KTN1: variants seen among roughly 807,000 people sequenced by gnomAD.
KTN1 encodes kinectin.
In KTN1, 130 loss-of-function variants were observed where a neutral mutation model predicts 222.5. The observed-to-expected ratio is 0.58, with a 90% confidence interval of 0.51 to 0.68. The LOEUF (loss-of-function observed/expected upper bound fraction) is 0.68, where lower values mean the gene tolerates loss of function less well. KTN1 is among the 30% of genes least tolerant of loss of function. KTN1 has a pLI of 0.00. For missense variants in KTN1, 1,508 were observed against 1,500.4 expected, an observed-to-expected ratio of 1.01 and a Z score of -0.08; for synonymous variants, 512 against 496.3, an observed-to-expected ratio of 1.03 and a Z score of -0.42.
Position 55,670,732 on chromosome 14 carries a change from T to TA in KTN1, c.3272dup (p.Tyr1091Ter). Residue 1091 changes from tyrosine to a stop codon, truncating the protein, a stop_gained and frameshift_variant, in exon 35 of 44, where the codon TAT becomes TAAT. Coordinates refer to ENST00000395314, the MANE Select transcript of KTN1 (RefSeq NM_001079521.2). LOFTEE classifies it high-confidence loss of function. ...PKVSVPSNLS[Y>*]GEWLHGFEKK... is the part of the protein sequence containing the mutation. The stretch of plus-strand genomic sequence containing the variant: ...TTTTAACTTTTCTCGTCCACAGAGT[T>TA]ATGGTGAATGGTTGCATGGATTTGA... 6.2e-7 allele frequency: 1 copy of TA among 1,604,928 alleles called. No homozygotes were observed. Among genetic ancestry groups the TA allele is most frequent in the Non-Finnish European group, 8.5e-7 (1 of 1,173,920 alleles).
rs940997056 is a variant in KTN1 at position 55,680,713 on chromosome 14, A to G, written c.4069+1028A>G. ...TGATCATCCTCTGGCCTACCTTGAC[A>G]CATGCTCTCCTTCAAAATGCTAATT... On this transcript the variant is annotated intron_variant, in intron 43 of 43. Coordinates refer to ENST00000395314, the MANE Select transcript of KTN1 (RefSeq NM_001079521.2). The G allele has an allele frequency of 5.1e-6, 7 of 1,366,608 alleles. No homozygotes were observed. In the East Asian group the frequency reaches 3.2e-4, roughly 62 times the overall value. The allele number at this position is 1,366,608 out of a possible 1,614,324, so 84.7% of individuals were successfully genotyped here. A position where few individuals can be genotyped will look rare whatever the true frequency, so the allele number is the denominator to read the frequency against.
intron 12 of KTN1, 36 bp from the exon 13 acceptor site, chr14:55,639,149 A>T (rs1450704112): frequency 1.4e-6 from 2 of 1,440,160 alleles, no homozygotes; most frequent in Non-Finnish European, 9.8e-7. Flanking sequence ...GCTTTCTCTT[A>T]AATACTTTTA....
intron 43 of KTN1, 171 bp downstream of exon 43, chr14:55,679,856 A>C (rs1168385486): frequency 4.4e-6 from 3 of 680,504 alleles, no homozygotes; most frequent in Non-Finnish European, 7.3e-6. Flanking sequence ...TATTTTGTGC[A>C]TATCTTGAAG....
intron 1 of KTN1, among the ~76,000 whole-genome samples, chr14:55,596,923 C>T (rs1283813686): frequency 6.6e-6 from 1 of 150,786 alleles, no homozygotes; most frequent in Admixed American, 6.6e-5. Flanking sequence ...TTTTTTCTGT[C>T]ATAGACTCTT....
intron 31 of KTN1, among the ~76,000 whole-genome samples, chr14:55,661,049 A>T (rs929710231): frequency 2.0e-4 from 31 of 152,246 alleles, no homozygotes; most frequent in African/African-American, 7.2e-4. Flanking sequence ...TGAGATTGGT[A>T]TGAAAATGGC....
chr14:55,641,640 C>A, intron 17 of KTN1, 52 bp from the exon 18 acceptor site: 1 of 1,121,714 alleles, frequency 8.9e-7, no homozygotes, highest in Non-Finnish European at 1.4e-6. Context: ...CAAATGATTG[C>A]TTTATTACCT....
intron 1 of KTN1, among the ~76,000 whole-genome samples, chr14:55,605,893 C>T (rs2036654997): frequency 6.6e-6 from 1 of 151,896 alleles, no homozygotes; most frequent in Admixed American, 6.6e-5. Flanking sequence ...CAATAGTAAA[C>T]TTTTTATCAC....
At chr14:55,648,570 G>C (rs1361443442) in intron 20 of KTN1, among the ~76,000 whole-genome samples, 2 of 152,194 alleles carry the variant, frequency 1.3e-5, no homozygotes, top group African/African-American at 4.8e-5. Context: ...AGGTTGTCCA[G>C]ACATGAGTGG....
chr14:55,591,708 CTGGGATTA>C (rs1204177722), intron 1 of KTN1, among the ~76,000 whole-genome samples: 5 of 150,788 alleles, frequency 3.3e-5, no homozygotes, highest in African/African-American at 9.8e-5. Context: ...CCTGCCTCAG[CTGGGATTA>C]CAGGCATGCA....
intron 18 of KTN1, 94 bp from the exon 19 acceptor site, chr14:55,646,879 C>T: frequency 2.5e-6 from 2 of 788,462 alleles, no homozygotes; most frequent in Admixed American, 2.1e-5. Flanking sequence ...TATTTAATAA[C>T]CCTAAACAAT....
chr14:55,655,443 A>G (rs139733222), intron 28 of KTN1, among the ~76,000 whole-genome samples: 192 of 152,324 alleles, frequency 1.3e-3, no homozygotes, highest in African/African-American at 4.4e-3. Flanking sequence ...CAGCTCAACG[A>G]ATACTTGAGA....
intron 1 of KTN1, among the ~76,000 whole-genome samples, chr14:55,599,168 A>T (rs574674843): frequency 6.6e-6 from 1 of 151,752 alleles, no homozygotes; most frequent in Non-Finnish European, 1.5e-5. Context: ...TTCAAGTTCT[A>T]ATTTTTCTGT....
At chr14:55,619,058 A>G (rs1356073603) in intron 4 of KTN1, 124 bp from the exon 5 acceptor site, 9 of 684,502 alleles carry the variant, frequency 1.3e-5, no homozygotes, top group East Asian at 5.4e-5. Context: ...CCTGAAGTAT[A>G]TATCTGTTTT....
In KTN1 at chr14:55,594,445, C is replaced by G. The variant is rs148819591; in HGVS notation, c.-31+14091C>G. On this transcript the variant is annotated intron_variant, in intron 1 of 43. Transcript: ENST00000395314. ...CTTTTGCTGCTTGATCTCACTCATC[C>G]TGTGTTTCTTCGTTCTGTTTTGGAG... Among the ~76,000 whole-genome samples the G allele has an allele frequency of 2.0e-3, 302 of 149,766 alleles. 3 individuals carry two copies. Among genetic ancestry groups the G allele is most frequent in the Non-Finnish European group, 2.6e-3 (178 of 67,738 alleles).
chr14:55,670,076 ATAC>A (rs1430022670), intron 34 of KTN1, among the ~76,000 whole-genome samples: 1 of 152,092 alleles, frequency 6.6e-6, no homozygotes, highest in African/African-American at 2.4e-5. Flanking sequence ...CAAAACTGTA[ATAC>A]ATGCATATTT....
Position 55,659,684 on chromosome 14 carries a change from C to T in KTN1, c.2980C>T (p.His994Tyr). 6.7e-7 allele frequency: 1 copy of T among 1,502,448 alleles called. No homozygotes were observed. The highest frequency in any genetic ancestry group is 9.3e-7 in the Non-Finnish European group (1 of 1,080,018). The allele number at this position is 1,502,448 out of a possible 1,614,324, so 93.1% of individuals were successfully genotyped here. Residue 994 changes from histidine (H) to tyrosine (Y), a missense_variant, in exon 31 of 44, where the codon CAT (histidine) becomes TAT (tyrosine). His to Tyr is a moderately conservative substitution (Grantham distance 83, BLOSUM62 2). Transcript: ENST00000395314. ...NYQQASSFPP[H>Y]EELLKVISER... ...TTGATAGGCATCTTCTTTTCCCCCT[C>T]ATGAAGAATTATTAAAAGTGTAAGT...
rs2141248537 is a variant in KTN1 at position 55,663,957 on chromosome 14, C to T, written c.3093C>T (p.Asp1031=). 1 of 1,607,730 alleles carries T rather than the reference C, an allele frequency of 6.2e-7. No individual in the cohort carries two copies. The change falls in exon 33 of 44, where the codon GAC becomes GAT. Residue 1031 remains aspartate, a splice_region_variant and synonymous_variant. Coordinates refer to ENST00000395314, the MANE Select transcript of KTN1 (RefSeq NM_001079521.2). ...TCATTCTTTCTAAAAATGATTAGGA[C>T]CTTCGGGAGAAAAACTGGGAAGCAA... ...AVEHQRKKNN[D]LREKNWEAME...
intron 3 of KTN1, among the ~76,000 whole-genome samples, 177 bp from the exon 4 acceptor site, chr14:55,617,787 C>T (rs957906299): frequency 3.9e-5 from 6 of 152,192 alleles, no homozygotes; most frequent in South Asian, 2.1e-4. Context: ...TGAGCTGGTA[C>T]GGCTTCATTA....
intron 25 of KTN1, 40 bp downstream of exon 25, chr14:55,651,967 T>C (rs1275611136): frequency 3.9e-6 from 5 of 1,282,388 alleles, no homozygotes; most frequent in Non-Finnish European, 5.5e-6. Flanking sequence ...CTATTTCTTT[T>C]TCATGAGTTA....
Sources: gnomAD v4.1 joint callset for allele counts (sites outside exome capture counted in the v4.1 genomes callset) on GRCh38, gnomAD v4.1.1 for gene constraint, MANE v1.5 for transcripts, NCBI Gene and HGNC (gene_info 2026-07-23, HGNC 2026-07-21) for gene names.